Variants in HIVEP2 observed in about 807,000 individuals in gnomAD.
HIVEP2 encodes the protein HIVEP zinc finger 2, also known as transcription factor HIVEP2.
A neutral mutation model predicts 180.7 loss-of-function variants in HIVEP2; 14 were observed. That is an observed-to-expected ratio of 0.08 (90% CI 0.05 to 0.12). The LOEUF is 0.12. HIVEP2 is among the 10% of genes least tolerant of loss of function. The pLI, the probability that HIVEP2 is intolerant of heterozygous loss-of-function variation, is 1.00. For missense variants in HIVEP2, 2,579 were observed against 3,008.5 expected, an observed-to-expected ratio of 0.86 and a Z score of 3.34; for synonymous variants, 1,184 against 1,136.4, an observed-to-expected ratio of 1.04 and a Z score of -0.84.
chr6:142,776,641 C>T (rs1232990470), intron 3 of HIVEP2, among the ~76,000 whole-genome samples: 1 of 151,928 alleles, frequency 6.6e-6, no homozygotes, highest in Non-Finnish European at 1.5e-5. Flanking sequence ...AGGCGATCCT[C>T]CCACCTCAGG....
At chr6:142,901,069 C>T (rs1161865339) in intron 1 of HIVEP2, among the ~76,000 whole-genome samples, 1 of 152,178 alleles carries the variant, frequency 6.6e-6, no homozygotes, top group Non-Finnish European at 1.5e-5. Flanking sequence ...TGCGTGAACT[C>T]TATTTATATT....
At chr6:142,841,485 A>G (rs1426505072) in intron 1 of HIVEP2, among the ~76,000 whole-genome samples, 1 of 152,038 alleles carries the variant, frequency 6.6e-6, no homozygotes, top group Non-Finnish European at 1.5e-5. Flanking sequence ...GTTTCGTAGT[A>G]TGTTCAAATC....
At chr6:142,886,192 T>C (rs10457743) in intron 1 of HIVEP2, among the ~76,000 whole-genome samples, 20,301 of 152,246 alleles carry the variant, frequency 0.13, 1,743 homozygotes, top group Middle Eastern at 0.2. Context: ...AAAGTAGGCA[T>C]TATTATTGTT....
chr6:142,883,414 G>A (rs892953145), intron 1 of HIVEP2, among the ~76,000 whole-genome samples: 4 of 151,984 alleles, frequency 2.6e-5, no homozygotes, highest in African/African-American at 9.7e-5. Flanking sequence ...TATGGAATAA[G>A]CACAGTGCAA....
chr6:142,895,071 C>T (rs927665731), intron 1 of HIVEP2, among the ~76,000 whole-genome samples: 4 of 152,192 alleles, frequency 2.6e-5, no homozygotes, highest in Non-Finnish European at 5.9e-5. Context: ...ACATCCATCA[C>T]ATTACAATTT....
chr6:142,891,214 C>T (rs1776852014), intron 1 of HIVEP2, among the ~76,000 whole-genome samples: 1 of 152,054 alleles, frequency 6.6e-6, no homozygotes, highest in Admixed American at 6.5e-5. Flanking sequence ...ATAACAACAT[C>T]AGTAAGTAAA....
chr6:142,772,707 C>A lies in HIVEP2; in HGVS notation c.2032G>T (p.Val678Leu), dbSNP rs142125678. Residue 678 changes from valine to leucine, a missense_variant, in exon 5 of 10, where the codon GTG becomes TTG. Physicochemically the swap from Val to Leu is conservative, Grantham distance 32 (BLOSUM62 1). Coordinates refer to ENST00000367603, the MANE Select transcript of HIVEP2 (RefSeq NM_006734.4). The surrounding 1 kb of genome is among the most constrained non-coding windows in gnomAD (Gnocchi z 4.9). ...KHGGEYFMDP[V>L]VPLQGVPSMF... is the part of the protein sequence containing the mutation. ...CTTGGTACTCCCTGCAATGGCACCA[C>A]GGGATCCATGAAATATTCTCCACCA... 2 of 1,614,198 alleles carry A rather than the reference C, an allele frequency of 1.2e-6. No homozygotes were observed. The highest frequency in any genetic ancestry group is 2.2e-5 in the East Asian group (1 of 44,882).
chr6:142,817,134 G>C (rs1776862995), intron 2 of HIVEP2, among the ~76,000 whole-genome samples: 1 of 152,160 alleles, frequency 6.6e-6, no homozygotes. Context: ...ACTAAGGTTG[G>C]AGGGCCCAAA....
chr6:142,902,186 T>C (rs1037668111), intron 1 of HIVEP2, among the ~76,000 whole-genome samples: 1 of 152,198 alleles, frequency 6.6e-6, no homozygotes, highest in Non-Finnish European at 1.5e-5. Context: ...GCAGTAACTT[T>C]ACAATGGAAA....
intron 1 of HIVEP2, among the ~76,000 whole-genome samples, chr6:142,941,434 C>A (rs1258326041): frequency 1.3e-5 from 2 of 152,260 alleles, no homozygotes; most frequent in African/African-American, 2.4e-5. Flanking sequence ...GACCAAATAC[C>A]AGGAACAAAG....
chr6:142,856,018 G>A (rs1170790554), intron 1 of HIVEP2, among the ~76,000 whole-genome samples: 1 of 152,128 alleles, frequency 6.6e-6, no homozygotes, highest in Non-Finnish European at 1.5e-5. Context: ...AATTATGCTT[G>A]TTTGCTGGTT....
intron 1 of HIVEP2, among the ~76,000 whole-genome samples, chr6:142,908,234 G>T (rs1424073928): frequency 2.0e-5 from 3 of 152,064 alleles, no homozygotes; most frequent in Non-Finnish European, 4.4e-5. Flanking sequence ...CAACTCTTGG[G>T]CAGCCATATG....
At chr6:142,892,416 A>C (rs1776882993) in intron 1 of HIVEP2, among the ~76,000 whole-genome samples, 1 of 152,162 alleles carries the variant, frequency 6.6e-6, no homozygotes, top group East Asian at 1.9e-4. Flanking sequence ...GGTGCCAGAG[A>C]AATAAGCAAC....
intron 1 of HIVEP2, among the ~76,000 whole-genome samples, chr6:142,893,397 T>C (rs767410909): frequency 7.2e-5 from 11 of 152,318 alleles, no homozygotes; most frequent in Non-Finnish European, 1.2e-4. Context: ...CAATTTCCCT[T>C]GAAAAATTTG....
At chr6:142,881,168 A>G (rs964331071) in intron 1 of HIVEP2, among the ~76,000 whole-genome samples, 1 of 152,212 alleles carries the variant, frequency 6.6e-6, no homozygotes, top group Non-Finnish European at 1.5e-5. Context: ...TGGCCTTATG[A>G]ATACCTCTCC....
chr6:142,900,160 G>A (rs998342539), intron 1 of HIVEP2, among the ~76,000 whole-genome samples: 35 of 152,152 alleles, frequency 2.3e-4, no homozygotes, highest in African/African-American at 7.7e-4. Flanking sequence ...AAAAATAAAC[G>A]TTTTTCAGAT....
intron 1 of HIVEP2, among the ~76,000 whole-genome samples, chr6:142,840,192 G>C (rs971286904): frequency 6.6e-6 from 1 of 152,134 alleles, no homozygotes; most frequent in African/African-American, 2.4e-5. Context: ...AGAATACCTT[G>C]ACAAGTTATA....
Position 142,760,472 on chromosome 6 carries a change from T to C in HIVEP2, c.5816A>G (p.Gln1939Arg), listed in dbSNP as rs1451759670. ...AGGCAAGGAGGAGAATCTAGGAGGC[T>C]GAGGACTGGTGCTTCTTGATCTTGT... ...PKTRSRSTSP[Q>R]PPRFSSLPVN... Residue 1939 changes from glutamine to arginine, a missense_variant, in exon 9 of 10, where the codon CAG becomes CGG. Transcript: ENST00000367603. 1 of 1,614,072 alleles carries C rather than the reference T, an allele frequency of 6.2e-7. No individual in the cohort carries two copies. The highest frequency in any genetic ancestry group is 8.5e-7 in the Non-Finnish European group (1 of 1,180,036).
At chr6:142,797,849 G>A (rs971329136) in intron 2 of HIVEP2, among the ~76,000 whole-genome samples, 3 of 151,752 alleles carry the variant, frequency 2.0e-5, no homozygotes, top group South Asian at 2.1e-4. Flanking sequence ...ACCCTCTATG[G>A]TTTCAGGCAT....
Sources: gnomAD v4.1 joint callset for allele counts (sites outside exome capture counted in the v4.1 genomes callset) on GRCh38, gnomAD v4.1.1 for gene constraint, Gnocchi (gnomAD v3.1) non-coding constraint, MANE v1.5 for transcripts, NCBI Gene and HGNC (gene_info 2026-07-23, HGNC 2026-07-21) for gene names.